ATP11A: variants seen among roughly 807,000 people sequenced by gnomAD.
ATP11A encodes the protein phospholipid-transporting ATPase IH.
In ATP11A, 81 loss-of-function variants were observed where a neutral mutation model predicts 154.4. The observed-to-expected ratio is 0.52, with a 90% CI of 0.44 to 0.63. The LOEUF (loss-of-function observed/expected upper bound fraction) is 0.63. Among genes scored for constraint, ATP11A ranks in the 30% least tolerant of loss-of-function variants. ATP11A has a pLI of 0.00. For missense variants in ATP11A, 1,316 were observed against 1,474.3 expected (o/e 0.89, Z 1.76); for synonymous variants, 623 against 585.9 (o/e 1.06, Z -0.91).
At chr13:112,863,523 AT>A (rs2080196877) in intron 25 of ATP11A, among the ~76,000 whole-genome samples, 1 of 150,036 alleles carries the variant, frequency 6.7e-6, no homozygotes, top group Non-Finnish European at 1.5e-5. Context: ...GTGCGCAATA[AT>A]TCAGCATAGC....
chr13:112,806,392 C>T, intron 4 of ATP11A, 99 bp downstream of exon 4: 1 of 894,166 alleles, frequency 1.1e-6, no homozygotes, highest in South Asian at 1.7e-5. Flanking sequence ...AGCTAGTTCA[C>T]AGAAAATTCA....
intron 5 of ATP11A, 87 bp downstream of exon 5, chr13:112,810,813 C>T: frequency 8.9e-7 from 1 of 1,123,890 alleles, no homozygotes; most frequent in Admixed American, 1.9e-5. Context: ...GCTCGCGCCT[C>T]CAGTCCCAGC....
At chr13:112,708,984 C>A (rs1594362147) in intron 1 of ATP11A, among the ~76,000 whole-genome samples, 2 of 152,120 alleles carry the variant, frequency 1.3e-5, no homozygotes, top group South Asian at 4.1e-4. Context: ...AGGGTAGACT[C>A]CGGGAGGGAT....
intron 1 of ATP11A, among the ~76,000 whole-genome samples, chr13:112,712,668 C>CA (rs1292937038): frequency 6.6e-6 from 1 of 152,248 alleles, no homozygotes; most frequent in Non-Finnish European, 1.5e-5. Flanking sequence ...CAGTGCCCCA[C>CA]AGAGACTGGA....
intron 1 of ATP11A, among the ~76,000 whole-genome samples, chr13:112,757,701 A>G (rs2076873768): frequency 6.6e-6 from 1 of 152,264 alleles, no homozygotes; most frequent in African/African-American, 2.4e-5. Flanking sequence ...CAGGAATCTC[A>G]GGAGACATTG....
intron 1 of ATP11A, among the ~76,000 whole-genome samples, chr13:112,723,487 G>C: frequency 6.7e-6 from 1 of 149,862 alleles, no homozygotes; most frequent in Non-Finnish European, 1.5e-5. Flanking sequence ...GGCCAGGCTG[G>C]TCTCAAACTC....
chr13:112,723,247 G>A (rs999925901), intron 1 of ATP11A, among the ~76,000 whole-genome samples: 6 of 143,066 alleles, frequency 4.2e-5, no homozygotes, highest in East Asian at 2.2e-4. Flanking sequence ...GCTTTATCAC[G>A]CAGATGATGT....
At chr13:112,706,438 A>G (rs868375749) in intron 1 of ATP11A, among the ~76,000 whole-genome samples, 1 of 152,220 alleles carries the variant, frequency 6.6e-6, no homozygotes, top group South Asian at 2.1e-4. Flanking sequence ...ACATGGTTCC[A>G]TGGCTTTTTC....
At position 112,824,381 on chromosome 13, in the gene ATP11A, A is replaced by G. The variant is rs114652675; in HGVS notation, c.828A>G (p.Ala276=). The G allele has an allele frequency of 8.5e-4, 1,376 of 1,614,224 alleles. 9 individuals are homozygous for G. In the African/African-American group the frequency reaches 0.015, roughly 17 times the overall value. The change falls in exon 10 of 30, where the codon GCA becomes GCG. Residue 276 remains alanine, a synonymous_variant. Transcript: ENST00000375645. ...ACACGGGAATGGAAACCAAGATGGC[A>G]TTAAATTATCAATCAAAATCTCAGA... The part of the protein sequence containing the change: ...AIYTGMETKM[A]LNYQSKSQKR...
chr13:112,782,874 C>T (rs922402638), intron 1 of ATP11A, among the ~76,000 whole-genome samples: 4 of 152,222 alleles, frequency 2.6e-5, no homozygotes, highest in Non-Finnish European at 5.9e-5. Context: ...TGGAGTGTTC[C>T]TCCCTGGCCT....
chr13:112,807,636 T>G lies in ATP11A; in HGVS notation c.333+1343T>G, dbSNP rs1294468099. On this transcript the variant is annotated intron_variant, in intron 4 of 29. Transcript: ENST00000375645. This position sits in a 1 kb window ranked among gnomAD's most constrained non-coding sequence, Gnocchi z 4.5. ...TTAAGCAAAACGATGGGTTTTCTCA[T>G]CAACTTCACAAGGAAATGGTGCTGA... Among the ~76,000 whole-genome samples, 4 of 152,166 alleles carry G rather than the reference T, an allele frequency of 2.6e-5. No homozygotes were observed. The highest frequency in any genetic ancestry group is 5.9e-5 in the Non-Finnish European group (4 of 68,022).
chr13:112,702,143 C>G (rs1239058300), intron 1 of ATP11A, among the ~76,000 whole-genome samples: 1 of 151,852 alleles, frequency 6.6e-6, no homozygotes, highest in South Asian at 2.1e-4. Flanking sequence ...GTCAGGAGTT[C>G]GAGATCAGCC....
intron 1 of ATP11A, among the ~76,000 whole-genome samples, chr13:112,736,436 C>T (rs143821314): frequency 6.6e-6 from 1 of 152,278 alleles, no homozygotes; most frequent in African/African-American, 2.4e-5. Flanking sequence ...AGCTTTCCTC[C>T]TGCGGTAGCA....
intron 1 of ATP11A, among the ~76,000 whole-genome samples, chr13:112,764,613 C>A (rs943916391): frequency 6.6e-6 from 1 of 152,162 alleles, no homozygotes; most frequent in Non-Finnish European, 1.5e-5. Flanking sequence ...ATTAAAGGAG[C>A]CGAAGAGGAC....
chr13:112,721,233 C>CCGGA (rs1889139731), intron 1 of ATP11A, among the ~76,000 whole-genome samples: 1 of 152,094 alleles, frequency 6.6e-6, no homozygotes, highest in Admixed American at 6.5e-5. Context: ...TAGGAAGTTG[C>CCGGA]TGGAACCCTC....
At chr13:112,822,510 AT>A (rs1347029011) in intron 8 of ATP11A, among the ~76,000 whole-genome samples, 1 of 152,086 alleles carries the variant, frequency 6.6e-6, no homozygotes, top group Admixed American at 6.5e-5. Flanking sequence ...AGTGTTTCTA[AT>A]GGCCAGATAG....
At chr13:112,810,483 A>C in intron 4 of ATP11A, 136 bp from the exon 5 acceptor site, 2 of 696,910 alleles carry the variant, frequency 2.9e-6, no homozygotes, top group Non-Finnish European at 5.0e-6. Context: ...GTGCATCCTC[A>C]TGCTGAAAAA....
At chr13:112,724,213 C>T (rs950280559) in intron 1 of ATP11A, among the ~76,000 whole-genome samples, 12 of 149,442 alleles carry the variant, frequency 8.0e-5, no homozygotes, top group Admixed American at 5.3e-4. Flanking sequence ...CGCCCCATTC[C>T]GACACTGCAT....
chr13:112,848,626 T>C (rs898877756), intron 17 of ATP11A, among the ~76,000 whole-genome samples: 1 of 152,236 alleles, frequency 6.6e-6, no homozygotes, highest in Admixed American at 6.5e-5. Context: ...CCCTGTCTTG[T>C]TCCTGATCCT....
Sources: gnomAD v4.1 joint callset for allele counts (sites outside exome capture counted in the v4.1 genomes callset) on GRCh38, gnomAD v4.1.1 for gene constraint, Gnocchi (gnomAD v3.1) non-coding constraint, MANE v1.5 for transcripts, NCBI Gene and HGNC (gene_info 2026-07-23, HGNC 2026-07-21) for gene names.